Variants in DOCK3 observed in about 807,000 individuals in gnomAD.
DOCK3 encodes dedicator of cytokinesis 3.
Under a neutral mutation model 265.6 loss-of-function variants are expected in DOCK3, and 60 were observed. The ratio of observed to expected loss-of-function variants is 0.23; its 90% CI spans 0.18 to 0.28. The LOEUF is 0.28. Ranked by LOEUF, DOCK3 falls within the 10% of genes least tolerant of loss-of-function variation. DOCK3 has a pLI of 1.00. For synonymous variants in DOCK3, 881 were observed against 938.0 expected, an observed-to-expected ratio of 0.94 and a Z score of 1.11; for missense variants, 1,981 against 2,594.3, an observed-to-expected ratio of 0.76 and a Z score of 5.14.
At position 51,228,972 on chromosome 3, in the gene DOCK3, C is replaced by T. The variant is rs115105889; in HGVS notation, c.1819+140C>T. Reference sequence around the variant, plus strand: ...GGCTTCTTTTCATTTGAAGTTGAAGCGATCACTCAGCAATAGCAGCCTACA... The same window carrying T: ...GGCTTCTTTTCATTTGAAGTTGAAGTGATCACTCAGCAATAGCAGCCTACA... On this transcript the variant is annotated intron_variant, in intron 18 of 52. Coordinates refer to ENST00000266037, the MANE Select transcript of DOCK3 (RefSeq NM_004947.5). The T allele has an allele frequency of 9.7e-4, 1,095 of 1,130,434 alleles. 5 individuals carry two copies. The African/African-American group carries it at 0.013, about 13-fold the overall frequency. The allele number at this position is 1,130,434 out of a possible 1,614,324, so 70.0% of individuals were successfully genotyped here. A position where few individuals can be genotyped will look rare whatever the true frequency, so the allele number is the denominator to read the frequency against.
chr3:50,805,572 GGGTC>G (rs1441634885), intron 2 of DOCK3, among the ~76,000 whole-genome samples: 2 of 152,192 alleles, frequency 1.3e-5, no homozygotes, highest in Non-Finnish European at 2.9e-5. Context: ...ATGTCTGCCA[GGGTC>G]GGCCTGCAGG....
rs1696452178 is a variant in DOCK3, at chr3:51,090,277, G to A, written c.639G>A (p.Val213=). ...ATGGGGAAACATGTCGGATGCCAGT[G>A]CCACATCACTTCTTCCTCAGCCTGA... ...PRHGETCRMP[V]PHHFFLSLKS... The change falls in exon 9 of 53, where the codon GTG becomes GTA. Residue 213 remains valine, a synonymous_variant. Coordinates refer to ENST00000266037, the MANE Select transcript of DOCK3 (RefSeq NM_004947.5). The A allele has an allele frequency of 6.3e-7, 1 of 1,599,366 alleles. No individual in the cohort carries two copies. Among genetic ancestry groups the A allele is most frequent in the Non-Finnish European group, 8.5e-7 (1 of 1,172,614 alleles).
At chr3:51,140,037 T>A (rs2084975625) in intron 9 of DOCK3, among the ~76,000 whole-genome samples, 1 of 152,266 alleles carries the variant, frequency 6.6e-6, no homozygotes, top group East Asian at 1.9e-4. Flanking sequence ...GTTTACGTGT[T>A]ATCTGAGAGT....
chr3:51,191,007 A>C (rs575321788), intron 12 of DOCK3, among the ~76,000 whole-genome samples: 9 of 152,272 alleles, frequency 5.9e-5, no homozygotes, highest in African/African-American at 2.2e-4. Flanking sequence ...AGTAGGTGAG[A>C]GTAAGCCCCA....
At chr3:50,765,143 G>T (rs1019948609) in intron 1 of DOCK3, among the ~76,000 whole-genome samples, 1 of 136,450 alleles carries the variant, frequency 7.3e-6, no homozygotes, top group Non-Finnish European at 1.5e-5. Flanking sequence ...GTGCAGTGGC[G>T]CAATCTCGGC....
At chr3:51,152,920 C>T (rs2085676365) in intron 10 of DOCK3, among the ~76,000 whole-genome samples, 2 of 152,218 alleles carry the variant, frequency 1.3e-5, no homozygotes, top group South Asian at 4.1e-4. Flanking sequence ...TCAGCCCCTA[C>T]TGGGAGGTGT....
rs2076791337 is a variant in DOCK3, at chr3:50,958,519, A to G, written c.315+24442A>G. On this transcript the variant is annotated intron_variant, in intron 5 of 52. Coordinates refer to ENST00000266037, the MANE Select transcript of DOCK3 (RefSeq NM_004947.5). ...TTGCAAGGATCAACTACGATAATAC[A>G]TATGTAAGCCCTAGATAATCATTGC... Among the ~76,000 whole-genome samples the G allele has an allele frequency of 2.0e-5, 3 of 152,200 alleles. No individual in the cohort carries two copies. In the South Asian group the frequency reaches 6.2e-4, roughly 32 times the overall value.
chr3:50,796,470 C>T (rs1479547026), intron 2 of DOCK3, among the ~76,000 whole-genome samples: 2 of 152,088 alleles, frequency 1.3e-5, no homozygotes, highest in Non-Finnish European at 2.9e-5. Flanking sequence ...TCCCTAGTAG[C>T]TGGGATTATA....
intron 12 of DOCK3, among the ~76,000 whole-genome samples, chr3:51,184,235 T>C (rs2107761664): frequency 6.7e-6 from 1 of 150,000 alleles, no homozygotes; most frequent in Middle Eastern, 3.4e-3. Flanking sequence ...CGCTTGTACC[T>C]GGGAGGCAGA....
chr3:51,143,200 TTTAG>T (rs1466332382), intron 9 of DOCK3, among the ~76,000 whole-genome samples: 2 of 151,658 alleles, frequency 1.3e-5, no homozygotes, highest in Non-Finnish European at 2.9e-5. Flanking sequence ...ATATTCATTC[TTTAG>T]TTATAGCTAT....
chr3:51,335,827 A>G (rs1427573096), intron 35 of DOCK3, among the ~76,000 whole-genome samples: 1 of 152,104 alleles, frequency 6.6e-6, no homozygotes, highest in African/African-American at 2.4e-5. Context: ...CCCCATCTCT[A>G]TGAAAAATTG....
At chr3:51,144,562 T>C (rs779301141) in intron 9 of DOCK3, among the ~76,000 whole-genome samples, 1 of 152,174 alleles carries the variant, frequency 6.6e-6, no homozygotes, top group Non-Finnish European at 1.5e-5. Context: ...CCCTCAGCAA[T>C]CTGACCAAAG....
At chr3:50,859,311 GT>G (rs1232043627) in intron 3 of DOCK3, among the ~76,000 whole-genome samples, 3 of 145,584 alleles carry the variant, frequency 2.1e-5, no homozygotes, top group Non-Finnish European at 4.5e-5. Flanking sequence ...TGCCTCCCAG[GT>G]TTAAGCGATT....
intron 1 of DOCK3, among the ~76,000 whole-genome samples, chr3:50,771,838 G>A (rs1334236200): frequency 1.3e-5 from 2 of 152,098 alleles, no homozygotes; most frequent in Admixed American, 1.3e-4. Flanking sequence ...GCGACAGAGC[G>A]AGACTCCATC....
rs1022513767 is a variant in DOCK3, at chr3:51,374,696, C to T, written c.5412+109C>T. ...ATTGTCCTACATGGCTCTCTCATTCCGCTGTAAGATCCCGCAAAAGGCCGC... is the reference window on the plus strand; with the variant it reads ...ATTGTCCTACATGGCTCTCTCATTCTGCTGTAAGATCCCGCAAAAGGCCGC... On this transcript the variant is annotated intron_variant, in intron 50 of 52. Transcript: ENST00000266037. This position sits in a 1 kb window ranked among gnomAD's most constrained non-coding sequence, Gnocchi z 4.8. 2.3e-5 allele frequency: 25 copies of T among 1,103,882 alleles called. No individual in the cohort carries two copies. Among genetic ancestry groups the T allele is most frequent in the South Asian group, 5.7e-5 (4 of 69,924 alleles). 68.4% of individuals were successfully genotyped at this position (1,103,882 alleles called of 1,614,324 possible).
chr3:51,251,648 G>T (rs1576545816), intron 22 of DOCK3, among the ~76,000 whole-genome samples: 1 of 151,994 alleles, frequency 6.6e-6, no homozygotes, highest in Non-Finnish European at 1.5e-5. Flanking sequence ...TTCATATGTT[G>T]GTTGGCTGCA....
At chr3:51,019,629 C>G (rs2079501177) in intron 5 of DOCK3, among the ~76,000 whole-genome samples, 2 of 151,874 alleles carry the variant, frequency 1.3e-5, no homozygotes, top group Admixed American at 6.6e-5. Flanking sequence ...TCCTTCCACC[C>G]TCACCTCCAA....
rs1447774626 is a variant in DOCK3 at position 51,081,556 on chromosome 3, T to C, written c.549+6116T>C. Among the ~76,000 whole-genome samples, 2 of 152,148 alleles carry C rather than the reference T, an allele frequency of 1.3e-5. 1 individual carries two copies. The highest frequency in any genetic ancestry group is 4.8e-5 in the African/African-American group (2 of 41,430). On this transcript the variant is annotated intron_variant, in intron 7 of 52. Coordinates refer to ENST00000266037, the MANE Select transcript of DOCK3 (RefSeq NM_004947.5). ...AGGTTGAGTTAGGCATAAAATTTTA[T>C]AGTCACTTTTCAGATGATGAATACA... is the stretch of plus-strand genomic sequence containing the variant.
At chr3:51,047,368 C>CA (rs1159421387) in intron 5 of DOCK3, among the ~76,000 whole-genome samples, 2 of 151,604 alleles carry the variant, frequency 1.3e-5, no homozygotes, top group Non-Finnish European at 2.9e-5. Flanking sequence ...AACAAACCTG[C>CA]ACGTTGTGCA....
Sources: gnomAD v4.1 joint callset for allele counts (sites outside exome capture counted in the v4.1 genomes callset) on GRCh38, gnomAD v4.1.1 for gene constraint, Gnocchi (gnomAD v3.1) non-coding constraint, MANE v1.5 for transcripts, NCBI Gene and HGNC (gene_info 2026-07-23, HGNC 2026-07-21) for gene names.